POLA2: variants seen among roughly 807,000 people sequenced by gnomAD.
POLA2 encodes the protein DNA polymerase alpha subunit B.
POLA2 carries 47 observed loss-of-function variants against 82.8 expected under a neutral mutation model. That is an observed-to-expected ratio of 0.57 (90% CI 0.45 to 0.72). The LOEUF (loss-of-function observed/expected upper bound fraction) is 0.72. POLA2 is among the 30% of genes least tolerant of loss of function. POLA2 has a pLI of 0.00. For synonymous variants in POLA2, 287 were observed against 286.8 expected, an observed-to-expected ratio of 1.00 and a Z score of -0.01; for missense variants, 634 against 728.1, an observed-to-expected ratio of 0.87 and a Z score of 1.49.
At chr11:65,276,447 T>C (rs140733509) in intron 5 of POLA2, among the ~76,000 whole-genome samples, 138 of 152,236 alleles carry the variant, frequency 9.1e-4, no homozygotes, top group African/African-American at 3.2e-3. Flanking sequence ...TCATAACCTG[T>C]TTATTGTTTC....
chr11:65,299,953 G>T (rs944743003), downstream of POLA2, among the ~76,000 whole-genome samples: 1 of 152,004 alleles, frequency 6.6e-6, no homozygotes, highest in African/African-American at 2.4e-5. Context: ...CAGCATCCTA[G>T]AGTGCTGGGA....
intron 11 of POLA2, among the ~76,000 whole-genome samples, chr11:65,288,512 G>GTTTTTTGT: frequency 8.3e-6 from 1 of 119,958 alleles, no homozygotes; most frequent in East Asian, 2.4e-4. Flanking sequence ...TTTGTTTTTT[G>GTTTTTTGT]TTTTTTTTTT....
chr11:65,305,588 G>A, exon 9 of POLA2: 1 of 360,038 alleles, frequency 2.8e-6, no homozygotes, highest in South Asian at 2.1e-5. Context: ...GCGGGAGGAT[G>A]GCTTAAGCCC....
At chr11:65,296,017 G>A (rs1343337371) in intron 17 of POLA2, 27 bp downstream of exon 17, 2 of 1,613,618 alleles carry the variant, frequency 1.2e-6, no homozygotes, top group African/African-American at 2.7e-5. Context: ...CTTTTTCCCA[G>A]AAACACCAGA....
chr11:65,300,411 G>A (rs922465997), downstream of POLA2, among the ~76,000 whole-genome samples: 1 of 151,364 alleles, frequency 6.6e-6, no homozygotes, highest in African/African-American at 2.5e-5. Flanking sequence ...GGCCAGGCTG[G>A]TCTCAAACTC....
intron 12 of POLA2, 145 bp from the exon 13 acceptor site, chr11:65,289,654 G>A: frequency 1.7e-6 from 1 of 601,804 alleles, no homozygotes; most frequent in Non-Finnish European, 3.0e-6. Context: ...AGCTCCTTAA[G>A]ACAAAGACCA....
rs1483735570 is a variant in POLA2 at position 65,282,531 on chromosome 11, G to A, written c.1006+10G>A. On this transcript the variant is annotated intron_variant, in intron 10 of 17. Coordinates refer to ENST00000265465, the MANE Select transcript of POLA2 (RefSeq NM_002689.4). ...ACTGAAGAGGATGCAGGTGAGTTTCGGTTCAAATATTGTTTTGCCAACAAT... is the reference window on the plus strand; with the variant it reads ...ACTGAAGAGGATGCAGGTGAGTTTCAGTTCAAATATTGTTTTGCCAACAAT... The A allele has an allele frequency of 6.8e-6, 11 of 1,610,380 alleles. No individual in the cohort carries two copies. The highest frequency in any genetic ancestry group is 2.2e-5 in the East Asian group (1 of 44,868).
chr11:65,280,767 G>A, intron 7 of POLA2: 1 of 528,998 alleles, frequency 1.9e-6, no homozygotes, highest in East Asian at 3.4e-5. Flanking sequence ...CAGCCTCCTA[G>A]GAAGGCTCAA....
At chr11:65,269,928 G>A (rs1344057931) in intron 4 of POLA2, among the ~76,000 whole-genome samples, 3 of 152,132 alleles carry the variant, frequency 2.0e-5, no homozygotes, top group Non-Finnish European at 4.4e-5. Context: ...TCCGCCTCCC[G>A]GGTTCAAGCA....
chr11:65,269,821 T>C (rs912054130), intron 4 of POLA2, among the ~76,000 whole-genome samples: 2 of 152,070 alleles, frequency 1.3e-5, no homozygotes, highest in Admixed American at 6.6e-5. Flanking sequence ...TAATAGTAAT[T>C]ATTCTTTTTT....
downstream of POLA2, among the ~76,000 whole-genome samples, chr11:65,301,230 C>G (rs1949857733): frequency 6.6e-6 from 1 of 152,060 alleles, no homozygotes; most frequent in Non-Finnish European, 1.5e-5. Context: ...CAGTGATGGG[C>G]CCGGAATGGT....
intron 4 of POLA2, among the ~76,000 whole-genome samples, chr11:65,275,022 T>C (rs1364587395): frequency 6.6e-6 from 1 of 152,172 alleles, no homozygotes; most frequent in Non-Finnish European, 1.5e-5. Context: ...CATTAAGGAA[T>C]ATTCAAAACT....
rs1264727177 is a variant in POLA2 at position 65,282,533 on chromosome 11, T to G, written c.1006+12T>G. The G allele has an allele frequency of 6.2e-7, 1 of 1,610,122 alleles. No individual in the cohort carries two copies. Among genetic ancestry groups the G allele is most frequent in the Non-Finnish European group, 8.5e-7 (1 of 1,176,516 alleles). ...TGAAGAGGATGCAGGTGAGTTTCGG[T>G]TCAAATATTGTTTTGCCAACAATGA... On this transcript the variant is annotated intron_variant, in intron 10 of 17. Transcript: ENST00000265465.
At chr11:65,276,393 G>GT (rs558144534) in intron 5 of POLA2, among the ~76,000 whole-genome samples, 386 of 146,406 alleles carry the variant, frequency 2.6e-3, no homozygotes, top group African/African-American at 6.5e-3. Context: ...TTCATCTAAA[G>GT]TTTTTTTTTT....
chr11:65,271,915 T>C (rs1949525907), intron 4 of POLA2, among the ~76,000 whole-genome samples: 2 of 149,444 alleles, frequency 1.3e-5, no homozygotes, highest in East Asian at 3.9e-4. Context: ...GAGCAAACAA[T>C]ATGTCCAGGC....
rs1949830506 is a variant in POLA2 at position 65,297,891 on chromosome 11, C to G, written c.*622C>G. The G allele has an allele frequency of 6.6e-6, 1 of 152,284 alleles. No homozygotes were observed. Among genetic ancestry groups the G allele is most frequent in the South Asian group, 2.1e-4 (1 of 4,836 alleles). 9.4% of individuals were successfully genotyped at this position (152,284 alleles called of 1,614,324 possible). A position where few individuals can be genotyped will look rare whatever the true frequency, so the allele number is the denominator to read the frequency against. On this transcript the variant is annotated 3_prime_UTR_variant, in exon 18 of 18. Transcript: ENST00000265465. Reference sequence around the variant, plus strand: ...GGTCTCGATCTCCTGACCTTGTGATCTGTCCGCCTCAGCCTCCCAAAGTGC... The same window carrying G: ...GGTCTCGATCTCCTGACCTTGTGATGTGTCCGCCTCAGCCTCCCAAAGTGC...
At chr11:65,303,296 C>T (rs370349571), downstream of POLA2, among the ~76,000 whole-genome samples, 25 of 148,844 alleles carry the variant, frequency 1.7e-4, 2 homozygotes, top group South Asian at 4.0e-3. Context: ...AAGCGGAGAT[C>T]GCACCACTGC....
chr11:65,268,516 T>C (rs1431904266), intron 3 of POLA2, among the ~76,000 whole-genome samples, 156 bp from the exon 4 acceptor site: 2 of 151,266 alleles, frequency 1.3e-5, no homozygotes, highest in Non-Finnish European at 3.0e-5. Flanking sequence ...ATTTTTTGTA[T>C]TTTTTTTAGT....
chr11:65,279,691 A>T lies in POLA2; in HGVS notation c.744+65A>T, dbSNP rs866581064. 1.4e-5 allele frequency: 15 copies of T among 1,106,718 alleles called. No homozygotes were observed. In the Middle Eastern group the frequency reaches 2.4e-3, roughly 177 times the overall value. The allele number at this position is 1,106,718 out of a possible 1,614,324, so 68.6% of individuals were successfully genotyped here. On this transcript the variant is annotated intron_variant, in intron 7 of 17. Transcript: ENST00000265465. Reference sequence around the variant, plus strand: ...GTTTTTAAATCGATGACCAAGAGGCATCCTTCTTGCTTCCTTTTTCACTTC... The same window carrying T: ...GTTTTTAAATCGATGACCAAGAGGCTTCCTTCTTGCTTCCTTTTTCACTTC...
Sources: allele counts gnomAD v4.1 joint callset (sites outside exome capture counted in the v4.1 genomes callset), GRCh38; gene constraint gnomAD v4.1.1; transcripts MANE v1.5; gene names NCBI Gene and HGNC (gene_info 2026-07-23, HGNC 2026-07-21).